NAV1: variants seen among roughly 807,000 people sequenced by gnomAD.
NAV1 encodes pore membrane and/or filament interacting like protein 3.
In NAV1, 18 loss-of-function variants were observed where a neutral mutation model predicts 175.2. The ratio of observed to expected loss-of-function variants is 0.10; its 90% CI spans 0.07 to 0.15. NAV1 has a LOEUF of 0.15. Ranked by LOEUF, NAV1 falls within the 10% of genes least tolerant of loss-of-function variation. The pLI, the probability that NAV1 is intolerant of heterozygous loss-of-function variation, is 1.00. For missense variants in NAV1, 1,731 were observed against 2,436.6 expected, an observed-to-expected ratio of 0.71 and a Z score of 6.10; for synonymous variants, 897 against 978.7, an observed-to-expected ratio of 0.92 and a Z score of 1.56.
Position 201,718,754 on chromosome 1 carries a change from G to T in NAV1, c.1225G>T (p.Gly409Cys). Reference sequence around the variant, plus strand: ...GACGGAGGATGATGACATCACTACCGGGTAAGCGCAGGGGCTTCTTGGATG... The same window carrying T: ...GACGGAGGATGATGACATCACTACCTGGTAAGCGCAGGGGCTTCTTGGATG... Residue 409 changes from glycine (G) to cysteine (C), a missense_variant and splice_region_variant, in exon 3 of 30, where the codon GGC (glycine) becomes TGC (cysteine). Physicochemically the swap from Gly to Cys is radical, Grantham distance 159. Coordinates refer to ENST00000367296, the Ensembl canonical transcript of NAV1. The surrounding 1 kb of genome is among the most constrained non-coding windows in gnomAD (Gnocchi z 4.8). 1.2e-6 allele frequency: 2 copies of T among 1,603,492 alleles called. No individual in the cohort carries two copies. Among genetic ancestry groups the T allele is most frequent in the Non-Finnish European group, 1.7e-6 (2 of 1,171,964 alleles).
At chr1:201,598,012 C>A (rs1488335155) in intron 2 of NAV1, among the ~76,000 whole-genome samples, 1 of 152,202 alleles carries the variant, frequency 6.6e-6, no homozygotes, top group Non-Finnish European at 1.5e-5. Flanking sequence ...CCAATATATA[C>A]TGAGTGTCTA....
chr1:201,821,376 C>G (rs1558203861), exon 30 of NAV1: 1 of 152,562 alleles, frequency 6.6e-6, no homozygotes, highest in Non-Finnish European at 1.5e-5. Context: ...CAATACCTGC[C>G]TTCCAAAGAG....
intron 11 of NAV1, 47 bp downstream of exon 15, chr1:201,789,839 A>G: frequency 6.4e-7 from 1 of 1,553,450 alleles, no homozygotes; most frequent in Non-Finnish European, 8.9e-7. Flanking sequence ...CCCCTCTACC[A>G]TCCCATGCTC....
upstream of NAV1, among the ~76,000 whole-genome samples, chr1:201,643,594 A>G (rs1339583856): frequency 6.6e-6 from 1 of 151,980 alleles, no homozygotes; most frequent in Non-Finnish European, 1.5e-5. Flanking sequence ...TGTATTTTTA[A>G]TAGGAACAGG....
At chr1:201,685,133 ATGG>A (rs1224781408) in intron 1 of NAV1, among the ~76,000 whole-genome samples, 1 of 151,054 alleles carries the variant, frequency 6.6e-6, no homozygotes, top group East Asian at 2.0e-4. Context: ...TTAGCCTGGC[ATGG>A]TGGTGGGCAC....
exon 1 of NAV1, chr1:201,648,835 T>A: frequency 6.2e-7 from 1 of 1,601,368 alleles, no homozygotes; most frequent in Non-Finnish European, 8.5e-7. Context: ...GGCGGCGGCA[T>A]GGCCAAGGCC....
At chr1:201,597,894 A>C (rs1463886195) in intron 2 of NAV1, among the ~76,000 whole-genome samples, 2 of 152,164 alleles carry the variant, frequency 1.3e-5, no homozygotes, top group African/African-American at 4.8e-5. Context: ...ATTGCCCCAG[A>C]TTCCAGAGAG....
intron 1 of NAV1, among the ~76,000 whole-genome samples, chr1:201,656,567 C>T (rs1413946629): frequency 6.6e-6 from 1 of 152,112 alleles, no homozygotes; most frequent in African/African-American, 2.4e-5. Flanking sequence ...GCAAGTATGA[C>T]GAGAGCTATT....
chr1:201,628,340 G>A (rs1380028762), intron 1 of NAV1, among the ~76,000 whole-genome samples: 1 of 152,054 alleles, frequency 6.6e-6, no homozygotes, highest in Admixed American at 6.6e-5. Flanking sequence ...AGCAGAAGCA[G>A]CAAACACCTC....
At chr1:201,660,058 A>G (rs912709734) in intron 1 of NAV1, among the ~76,000 whole-genome samples, 1 of 152,124 alleles carries the variant, frequency 6.6e-6, no homozygotes, top group Non-Finnish European at 1.5e-5. Flanking sequence ...TGCTGTCTTC[A>G]TGCTCCCACA....
At chr1:201,581,425 G>A (rs1207417126) in intron 1 of NAV1, among the ~76,000 whole-genome samples, 4 of 152,204 alleles carry the variant, frequency 2.6e-5, no homozygotes, top group South Asian at 4.1e-4. Context: ...TTGACTGTGC[G>A]GAGTCTGTGA....
upstream of NAV1, among the ~76,000 whole-genome samples, chr1:201,645,016 CA>C (rs1398518842): frequency 1.3e-5 from 2 of 152,136 alleles, no homozygotes; most frequent in Non-Finnish European, 2.9e-5. Flanking sequence ...TCATGTTTCG[CA>C]GCAGTTCTAA....
chr1:201,692,577 G>A (rs1317704), intron 1 of NAV1, among the ~76,000 whole-genome samples: 66,367 of 152,076 alleles, frequency 0.44, 14,826 homozygotes, highest in South Asian at 0.63. Context: ...TATGGTGTCT[G>A]GGGAGCCATT....
At chr1:201,811,536 C>T in intron 24 of NAV1, 67 bp from the exon 29 acceptor site, 1 of 1,594,084 alleles carries the variant, frequency 6.3e-7, no homozygotes, top group Admixed American at 1.7e-5. Flanking sequence ...TCTTCAAAAT[C>T]CTGATTTCCA....
chr1:201,702,438 C>T (rs897829320), intron 1 of NAV1, among the ~76,000 whole-genome samples: 3 of 152,142 alleles, frequency 2.0e-5, no homozygotes, highest in African/African-American at 7.2e-5. Flanking sequence ...GCGATCTCAG[C>T]TCACTGCAAC....
At chr1:201,576,191 C>A (rs1336035916) in intron 1 of NAV1, among the ~76,000 whole-genome samples, 1 of 152,208 alleles carries the variant, frequency 6.6e-6, no homozygotes, top group Non-Finnish European at 1.5e-5. Context: ...TGACTCCTGG[C>A]AACTACTAAT....
intron 1 of NAV1, among the ~76,000 whole-genome samples, chr1:201,660,413 C>T (rs1174701786): frequency 6.6e-6 from 1 of 152,168 alleles, no homozygotes; most frequent in East Asian, 1.9e-4. Flanking sequence ...CCACTGGGCT[C>T]CTAGGAGCAC....
chr1:201,755,335 C>CCTGAGGCAAGAG (rs1361354587), intron 3 of NAV1, among the ~76,000 whole-genome samples: 1 of 152,010 alleles, frequency 6.6e-6, no homozygotes, highest in Non-Finnish European at 1.5e-5. Flanking sequence ...CAGTTACTTG[C>CCTGAGGCAAGAG]CTGAGGCAAG....
intron 2 of NAV1, among the ~76,000 whole-genome samples, chr1:201,614,309 C>G (rs985059547): frequency 3.9e-5 from 6 of 152,340 alleles, no homozygotes; most frequent in Non-Finnish European, 5.9e-5. Flanking sequence ...GCCCCTTTAA[C>G]AGGGCCACTG....
Sources: allele counts gnomAD v4.1 joint callset (sites outside exome capture counted in the v4.1 genomes callset), GRCh38; gene constraint gnomAD v4.1.1; non-coding constraint Gnocchi (gnomAD v3.1); transcripts MANE v1.5; gene names NCBI Gene and HGNC (gene_info 2026-07-23, HGNC 2026-07-21).